PPP1R12B: variants seen among roughly 807,000 people sequenced by gnomAD.
PPP1R12B encodes the protein protein phosphatase 1 regulatory subunit 12B, also known as myosin phosphatase target subunit 2.
In PPP1R12B, 76 loss-of-function variants were observed where a neutral mutation model predicts 126.1. The ratio of observed to expected loss-of-function variants is 0.60; its 90% CI spans 0.50 to 0.73. The LOEUF is 0.73. Ranked by LOEUF, PPP1R12B falls within the 30% of genes least tolerant of loss-of-function variation. The pLI, the probability that PPP1R12B is intolerant of heterozygous loss-of-function variation, is 0.00. For synonymous variants in PPP1R12B, 356 were observed against 434.7 expected (o/e 0.82, Z 2.25); for missense variants, 1,052 against 1,205.1 (o/e 0.87, Z 1.88).
At chr1:202,485,462 A>C (rs1211391788) in intron 13 of PPP1R12B, among the ~76,000 whole-genome samples, 1 of 151,934 alleles carries the variant, frequency 6.6e-6, no homozygotes. Flanking sequence ...GGCAAAGTTA[A>C]CTGTATGAAC....
intron 12 of PPP1R12B, chr1:202,448,319 G>A (rs558878682): frequency 6.6e-6 from 1 of 152,270 alleles, no homozygotes; most frequent in South Asian, 2.1e-4. Context: ...GCTTGCTGTT[G>A]AAAAGTCTGT....
chr1:202,389,977 G>A (rs114943583), intron 1 of PPP1R12B, among the ~76,000 whole-genome samples: 2,115 of 149,020 alleles, frequency 0.014, 64 homozygotes, highest in African/African-American at 0.05. Flanking sequence ...ACCCAGAATA[G>A]CCAAGACAAT....
intron 1 of PPP1R12B, among the ~76,000 whole-genome samples, chr1:202,377,848 T>TG (rs1661482239): frequency 7.1e-6 from 1 of 140,982 alleles, no homozygotes; most frequent in Admixed American, 6.9e-5. Flanking sequence ...TTTTTTTTTT[T>TG]TTTTTTTTTT....
In PPP1R12B at chr1:202,360,900, T is replaced by G. The variant is rs992262425; in HGVS notation, c.291+11758T>G. ...TATCTTTACCATTAGCTCTTTTTTT[T>G]TTTTTTTTGAGACGGAGTCTTGCTC... is the stretch of plus-strand genomic sequence containing the variant. On this transcript the variant is annotated intron_variant, in intron 1 of 23. Coordinates refer to ENST00000608999, the MANE Select transcript of PPP1R12B (RefSeq NM_002481.4). Among the ~76,000 whole-genome samples, 97 of 150,998 alleles carry G rather than the reference T, an allele frequency of 6.4e-4. 1 individual carries two copies. Among genetic ancestry groups the G allele is most frequent in the African/African-American group, 2.2e-3 (91 of 41,188 alleles).
Position 202,425,586 on chromosome 1 carries a change from A to G in PPP1R12B, c.562A>G (p.Arg188Gly), listed in dbSNP as rs1669398487. 1 of 1,614,008 alleles carries G rather than the reference A, an allele frequency of 6.2e-7. No homozygotes were observed. Reference protein sequence around the residue: ...KKQGVDLEQSRKEEEQQMLQD... With the variant: ...KKQGVDLEQSGKEEEQQMLQD... ...TGTAGGAGTTGATCTAGAGCAGTCA[A>G]GAAAAGAAGAAGAGCAGCAGATGTT... The change falls in exon 4 of 24, where the codon AGA becomes GGA. Residue 188 changes from arginine to glycine, a missense_variant. Physicochemically the swap from Arg to Gly is moderately radical, Grantham distance 125. Transcript: ENST00000608999.
intron 1 of PPP1R12B, among the ~76,000 whole-genome samples, chr1:202,354,828 TG>T (rs1260452246): frequency 1.5e-4 from 17 of 116,644 alleles, no homozygotes; most frequent in Admixed American, 2.5e-4. Context: ...TTTTTTTTGT[TG>T]TTGTTTTTTT....
In PPP1R12B at chr1:202,541,298, G is replaced by C. The variant is rs141430474; in HGVS notation, c.2491-17579G>C. Reference sequence around the variant, plus strand: ...TCTTACCAGTATAAATTACCATGTAGTGGAATTTGGTATATGGCATGTTGG... The same window carrying C: ...TCTTACCAGTATAAATTACCATGTACTGGAATTTGGTATATGGCATGTTGG... On this transcript the variant is annotated intron_variant, in intron 18 of 23. Transcript: ENST00000608999. Among the ~76,000 whole-genome samples the C allele has an allele frequency of 4.6e-3, 697 of 152,130 alleles. 6 individuals are homozygous for C. Among genetic ancestry groups the C allele is most frequent in the African/African-American group, 0.016 (670 of 41,486 alleles).
intron 1 of PPP1R12B, among the ~76,000 whole-genome samples, chr1:202,379,378 T>C (rs1247031231): frequency 6.6e-6 from 1 of 152,234 alleles, no homozygotes; most frequent in Non-Finnish European, 1.5e-5. Flanking sequence ...ATTAGGTCTA[T>C]GGTAGGACCC....
chr1:202,484,863 G>A (rs1677866643), intron 13 of PPP1R12B, among the ~76,000 whole-genome samples: 1 of 152,268 alleles, frequency 6.6e-6, no homozygotes, highest in Non-Finnish European at 1.5e-5. Flanking sequence ...CAGGGGTACA[G>A]GGCTGCTGCT....
intron 20 of PPP1R12B, among the ~76,000 whole-genome samples, 156 bp from the exon 21 acceptor site, chr1:202,564,287 C>G (rs1045735763): frequency 8.5e-5 from 13 of 152,070 alleles, no homozygotes; most frequent in South Asian, 2.1e-4. Context: ...AGCAAGAGAC[C>G]AGTTGGCTGA....
chr1:202,454,664 T>TACA, intron 13 of PPP1R12B, among the ~76,000 whole-genome samples: 1 of 152,158 alleles, frequency 6.6e-6, no homozygotes, highest in Non-Finnish European at 1.5e-5. Context: ...CCAGGTATGG[T>TACA]AGCTCACACC....
chr1:202,574,345 A>C (rs2149036555), intron 23 of PPP1R12B, among the ~76,000 whole-genome samples: 1 of 152,274 alleles, frequency 6.6e-6, no homozygotes, highest in Admixed American at 6.5e-5. Flanking sequence ...TCCTGTCTCT[A>C]CAAAAAATAT....
intron 5 of PPP1R12B, 84 bp from the exon 6 acceptor site, chr1:202,428,771 A>G (rs1669858472): frequency 7.7e-7 from 1 of 1,302,596 alleles, no homozygotes; most frequent in South Asian, 1.4e-5. Context: ...GCAAAAAGTG[A>G]CTTTTGAATA....
chr1:202,378,247 C>CTTTTTTTT (rs386369339), intron 1 of PPP1R12B, among the ~76,000 whole-genome samples: 2 of 93,362 alleles, frequency 2.1e-5, no homozygotes, highest in African/African-American at 4.1e-5. Context: ...TGTCTTCATT[C>CTTTTTTTT]TTTTTTTTTT....
intron 18 of PPP1R12B, among the ~76,000 whole-genome samples, chr1:202,523,582 G>T (rs1683002976): frequency 6.6e-6 from 1 of 152,234 alleles, no homozygotes; most frequent in East Asian, 1.9e-4. Flanking sequence ...TAGCAGGAAA[G>T]AGAATCAGAT....
chr1:202,378,386 C>T (rs1661623933), intron 1 of PPP1R12B, among the ~76,000 whole-genome samples: 1 of 151,576 alleles, frequency 6.6e-6, no homozygotes, highest in African/African-American at 2.4e-5. Context: ...GTAGTGTAAA[C>T]CCACTCTGCT....
chr1:202,351,530 C>T (rs934388380), intron 1 of PPP1R12B, among the ~76,000 whole-genome samples: 5 of 152,254 alleles, frequency 3.3e-5, no homozygotes, highest in South Asian at 2.1e-4. Context: ...TGAGCCACCG[C>T]GCATGGCCGA....
chr1:202,364,616 A>G (rs560094181), intron 1 of PPP1R12B, among the ~76,000 whole-genome samples: 25 of 151,914 alleles, frequency 1.6e-4, no homozygotes, highest in African/African-American at 3.1e-4. Flanking sequence ...TTGCTCTGTC[A>G]CCCAGGCTGG....
chr1:202,473,830 C>A, intron 13 of PPP1R12B: 1 of 481,946 alleles, frequency 2.1e-6, no homozygotes. Flanking sequence ...AAGCCTTTTC[C>A]AGTTTCCAAG....
Sources: gnomAD v4.1 joint callset for allele counts (sites outside exome capture counted in the v4.1 genomes callset) on GRCh38, gnomAD v4.1.1 for gene constraint, MANE v1.5 for transcripts, NCBI Gene and HGNC (gene_info 2026-07-23, HGNC 2026-07-21) for gene names.